The following PHTF1 variants were observed in gnomAD, a reference collection of about 807,000 sequenced individuals.
The protein encoded by PHTF1 is putative homeodomain transcription factor 1.
A neutral mutation model predicts 102.4 loss-of-function variants in PHTF1; 88 were observed. The observed-to-expected ratio is 0.86, with a 90% CI of 0.72 to 1.03. The LOEUF is 1.03. PHTF1 is among the 50% of genes least tolerant of loss of function. The pLI is 0.00. For missense variants in PHTF1, 814 were observed against 909.5 expected, an observed-to-expected ratio of 0.89 and a Z score of 1.35; for synonymous variants, 289 against 305.2, an observed-to-expected ratio of 0.95 and a Z score of 0.55.
At chr1:113,739,134 T>C (rs969172537) in intron 3 of PHTF1, among the ~76,000 whole-genome samples, 15 of 152,300 alleles carry the variant, frequency 9.8e-5, no homozygotes, top group African/African-American at 3.6e-4. Flanking sequence ...ATTATAGGTG[T>C]TAGCCTCTGC....
intron 15 of PHTF1, among the ~76,000 whole-genome samples, chr1:113,702,134 T>C (rs1649521744): frequency 1.3e-5 from 2 of 151,780 alleles, no homozygotes; most frequent in African/African-American, 4.8e-5. Flanking sequence ...ATACAAAAGG[T>C]GAAGAGGTAA....
rs767544967 is a variant in PHTF1, at chr1:113,706,032, G to A, written c.1529C>T (p.Ala510Val). 1 of 1,614,158 alleles carries A rather than the reference G, an allele frequency of 6.2e-7. No homozygotes were observed. The highest frequency in any genetic ancestry group is 8.5e-7 in the Non-Finnish European group (1 of 1,180,000). ...ACAAAAGAGAGTCAAGATCTCCTCA[G>A]CTGAAATGGACTTTAGTTGGTCAAG... ...KSLDQLKSIS[A>V]EEILTLFCGA... Residue 510 changes from alanine to valine, a missense_variant, in exon 13 of 19, where the codon GCT (alanine) becomes GTT (valine). By Grantham distance (64) the Ala-to-Val change is moderately conservative (BLOSUM62 0). Coordinates refer to ENST00000369604, the MANE Select transcript of PHTF1 (RefSeq NM_001323043.2).
Position 113,748,047 on chromosome 1 carries a change from G to A in PHTF1, c.103-9248C>T, listed in dbSNP as rs746264961. ...GGCTAGAGTGCAGTGTTGTATTCAC[G>A]GCTCTCTGCACCTTTGAACTCCCAG... On this transcript the variant is annotated intron_variant, in intron 3 of 18. Coordinates refer to ENST00000369604, the MANE Select transcript of PHTF1 (RefSeq NM_001323043.2). Among the ~76,000 whole-genome samples the A allele has an allele frequency of 4.6e-5, 7 of 152,152 alleles. No individual in the cohort carries two copies. In the East Asian group the frequency reaches 9.7e-4, roughly 21 times the overall value.
intron 3 of PHTF1, among the ~76,000 whole-genome samples, chr1:113,748,900 T>C (rs1657611054): frequency 6.6e-6 from 1 of 152,232 alleles, no homozygotes; most frequent in Non-Finnish European, 1.5e-5. Flanking sequence ...GTCTATTTTT[T>C]AAGCATTCTT....
At chr1:113,737,268 T>C (rs1386338755) in intron 5 of PHTF1, among the ~76,000 whole-genome samples, 1 of 152,228 alleles carries the variant, frequency 6.6e-6, no homozygotes, top group Non-Finnish European at 1.5e-5. Flanking sequence ...AGAACAAGTT[T>C]ACACACACAG....
rs565219515 is a variant in PHTF1 at position 113,709,182 on chromosome 1, G to A, written c.1269+1072C>T. Among the ~76,000 whole-genome samples, 650 of 152,252 alleles carry A rather than the reference G, an allele frequency of 4.3e-3. 3 individuals are homozygous for A. The highest frequency in any genetic ancestry group is 7.2e-3 in the Non-Finnish European group (491 of 68,032). ...GCTGGAGAGGTTAAGGCTGCCGTGA[G>A]TCATGATTGCACCACTGCACTCCAG... On this transcript the variant is annotated intron_variant, in intron 11 of 18. Transcript: ENST00000369604.
chr1:113,721,202 A>G (rs1652883236), intron 7 of PHTF1, among the ~76,000 whole-genome samples: 1 of 152,240 alleles, frequency 6.6e-6, no homozygotes, highest in African/African-American at 2.4e-5. Context: ...TTCAACATAC[A>G]TACAAATCAA....
intron 11 of PHTF1, 64 bp downstream of exon 11, chr1:113,710,190 A>T (rs1180313706): frequency 1.7e-6 from 2 of 1,156,836 alleles, no homozygotes; most frequent in African/African-American, 3.0e-5. Context: ...ATGAGATGAC[A>T]GAGTGCCTGA....
intron 3 of PHTF1, among the ~76,000 whole-genome samples, chr1:113,748,898 T>G (rs1657610563): frequency 6.6e-6 from 1 of 152,222 alleles, no homozygotes; most frequent in African/African-American, 2.4e-5. Flanking sequence ...TAGTCTATTT[T>G]TTAAGCATTC....
intron 16 of PHTF1, chr1:113,700,249 A>AT (rs1401919994): frequency 1.0e-4 from 75 of 716,446 alleles, no homozygotes; most frequent in Non-Finnish European, 1.2e-4. Flanking sequence ...CGATTCTAAG[A>AT]CAAAAAAAAA....
At chr1:113,719,707 G>A (rs1405312016) in intron 7 of PHTF1, among the ~76,000 whole-genome samples, 1 of 152,120 alleles carries the variant, frequency 6.6e-6, no homozygotes, top group Non-Finnish European at 1.5e-5. Flanking sequence ...GCTCCAAACT[G>A]TTCCAACCTC....
intron 7 of PHTF1, among the ~76,000 whole-genome samples, chr1:113,715,886 C>A (rs1026443105): frequency 6.6e-6 from 1 of 150,708 alleles, no homozygotes; most frequent in Non-Finnish European, 1.5e-5. Flanking sequence ...AATTAGTGAG[C>A]TTCAAGACAG....
intron 5 of PHTF1, among the ~76,000 whole-genome samples, chr1:113,734,761 T>G (rs1029417088): frequency 2.0e-5 from 3 of 152,098 alleles, no homozygotes; most frequent in Non-Finnish European, 4.4e-5. Flanking sequence ...ATATAACCAG[T>G]TGGTTATAGT....
chr1:113,744,495 C>T (rs1307120741), intron 3 of PHTF1, among the ~76,000 whole-genome samples: 2 of 152,096 alleles, frequency 1.3e-5, no homozygotes, highest in South Asian at 4.1e-4. Flanking sequence ...TGGTGAACAA[C>T]AAAACAATTA....
chr1:113,740,310 C>T (rs1032760330), intron 3 of PHTF1, among the ~76,000 whole-genome samples: 3 of 151,906 alleles, frequency 2.0e-5, no homozygotes, highest in Non-Finnish European at 2.9e-5. Context: ...ATTTGCATTT[C>T]CCTGATGATT....
chr1:113,717,704 T>C (rs187982587), intron 7 of PHTF1, among the ~76,000 whole-genome samples: 1 of 152,264 alleles, frequency 6.6e-6, no homozygotes, highest in Non-Finnish European at 1.5e-5. Context: ...ACTTCTTACA[T>C]GGTGGCGGGC....
chr1:113,700,907 A>G lies in PHTF1; in HGVS notation c.1933T>C (p.Trp645Arg). The change falls in exon 16 of 19, where the codon TGG (tryptophan) becomes CGG (arginine). Residue 645 changes from tryptophan to arginine, a missense_variant. By Grantham distance (101) the Trp-to-Arg change is moderately radical. Coordinates refer to ENST00000369604, the MANE Select transcript of PHTF1 (RefSeq NM_001323043.2). Reference sequence around the variant, plus strand: ...GCTGTTTCCCAGATCAAAAACTCCCAGTTATAAGCATCATTCAGGAAAGTT... The same window carrying G: ...GCTGTTTCCCAGATCAAAAACTCCCGGTTATAAGCATCATTCAGGAAAGTT... ...HKTFLNDAYN[W>R]EFLIWETALL... 6.2e-7 allele frequency: 1 copy of G among 1,612,728 alleles called. No individual in the cohort carries two copies. Among genetic ancestry groups the G allele is most frequent in the Non-Finnish European group, 8.5e-7 (1 of 1,179,574 alleles).
intron 5 of PHTF1, among the ~76,000 whole-genome samples, chr1:113,736,652 C>T (rs1021189143): frequency 4.0e-5 from 6 of 151,454 alleles, no homozygotes; most frequent in Admixed American, 4.0e-4. Flanking sequence ...GGTTGAGGCA[C>T]GAGAATCACT....
intron 5 of PHTF1, among the ~76,000 whole-genome samples, chr1:113,737,825 C>T (rs1039248727): frequency 6.6e-6 from 1 of 152,012 alleles, no homozygotes; most frequent in African/African-American, 2.4e-5. Context: ...AACACACATA[C>T]CCAATTTCAA....
Sources: gnomAD v4.1 joint callset for allele counts (sites outside exome capture counted in the v4.1 genomes callset) on GRCh38, gnomAD v4.1.1 for gene constraint, MANE v1.5 for transcripts, NCBI Gene and HGNC (gene_info 2026-07-23, HGNC 2026-07-21) for gene names.